The following ACER3 variants were observed in gnomAD, a reference collection of about 807,000 sequenced individuals.
The protein encoded by ACER3 is alkCDase 3.
A neutral mutation model predicts 48.9 loss-of-function variants in ACER3; 16 were observed. The ratio of observed to expected loss-of-function variants is 0.33; its 90% CI spans 0.22 to 0.50. The LOEUF (loss-of-function observed/expected upper bound fraction) is 0.50, where lower values mean the gene tolerates loss of function less well. Among genes scored for constraint, ACER3 ranks in the 20% least tolerant of loss-of-function variants. ACER3 has a pLI of 0.98. For missense variants in ACER3, 227 were observed against 326.0 expected (o/e 0.70, Z 2.34); for synonymous variants, 109 against 107.8 (o/e 1.01, Z -0.07).
At chr11:76,909,244 A>G (rs1047101636) in intron 1 of ACER3, among the ~76,000 whole-genome samples, 1 of 152,226 alleles carries the variant, frequency 6.6e-6, no homozygotes, top group Admixed American at 6.5e-5. Flanking sequence ...ACCAAAAGCA[A>G]TGGCAACAAA....
intron 1 of ACER3, among the ~76,000 whole-genome samples, chr11:76,918,174 A>G (rs753328510): frequency 6.6e-5 from 10 of 151,992 alleles, no homozygotes; most frequent in Non-Finnish European, 1.2e-4. Flanking sequence ...AGTGCCTTGC[A>G]TGTAGAAAAT....
chr11:76,874,913 T>G (rs146497410), intron 1 of ACER3, among the ~76,000 whole-genome samples: 2 of 152,278 alleles, frequency 1.3e-5, no homozygotes, highest in Admixed American at 6.5e-5. Context: ...CACATATCCT[T>G]AAGCTGATGC....
chr11:76,941,920 A>G (rs11237025), intron 2 of ACER3, among the ~76,000 whole-genome samples: 86,668 of 151,646 alleles, frequency 0.57, 27,936 homozygotes, highest in Non-Finnish European at 0.74. Flanking sequence ...CATTATCATT[A>G]TTTAACTATT....
Position 77,015,390 on chromosome 11 carries a change from A to G in ACER3, c.599+273A>G, listed in dbSNP as rs1949347762. ...CTATATAGTTAATCAAATGTTGACT[A>G]TTCCTTTGAAACATGCCTGATCTGT... On this transcript the variant is annotated intron_variant, in intron 8 of 10. Transcript: ENST00000532485. The G allele has an allele frequency of 1.5e-5, 4 of 259,626 alleles. 1 individual carries two copies. Among genetic ancestry groups the G allele is most frequent in the South Asian group, 1.5e-4 (2 of 13,176 alleles). The allele number at this position is 259,626 out of a possible 1,614,324, so 16.1% of individuals were successfully genotyped here. A position where few individuals can be genotyped will look rare whatever the true frequency, so the allele number is the denominator to read the frequency against.
At chr11:76,979,075 C>T (rs1280345973) in intron 4 of ACER3, among the ~76,000 whole-genome samples, 9 of 152,298 alleles carry the variant, frequency 5.9e-5, no homozygotes, top group East Asian at 3.9e-4. Flanking sequence ...CCTGCCAGGC[C>T]GAGTGGGCAG....
At chr11:76,983,452 A>T (rs1948627156) in intron 4 of ACER3, among the ~76,000 whole-genome samples, 1 of 151,918 alleles carries the variant, frequency 6.6e-6, no homozygotes, top group Non-Finnish European at 1.5e-5. Context: ...AGTAGCTGCG[A>T]CTACAAGTGC....
In ACER3 at chr11:76,892,430, T is replaced by C. The variant is rs147208149; in HGVS notation, c.103+31351T>C. Among the ~76,000 whole-genome samples the C allele has an allele frequency of 2.9e-3, 441 of 152,268 alleles. 2 individuals are homozygous for C. The highest frequency in any genetic ancestry group is 9.9e-3 in the African/African-American group (410 of 41,552). On this transcript the variant is annotated intron_variant, in intron 1 of 10. Transcript: ENST00000532485. ...AGGAAAGACCATGCAAATATTCCAGTTATATGTGTGTGGGGGTTTAACAAC... is the reference window on the plus strand; with the variant it reads ...AGGAAAGACCATGCAAATATTCCAGCTATATGTGTGTGGGGGTTTAACAAC...
chr11:76,879,964 A>G (rs1275073389), intron 1 of ACER3, among the ~76,000 whole-genome samples: 1 of 152,100 alleles, frequency 6.6e-6, no homozygotes, highest in Non-Finnish European at 1.5e-5. Context: ...TGTAGAATAT[A>G]TTGGCATAAA....
chr11:76,941,053 G>GCA (rs1947331726), intron 2 of ACER3, among the ~76,000 whole-genome samples: 9 of 144,586 alleles, frequency 6.2e-5, no homozygotes, highest in Non-Finnish European at 1.5e-5. Context: ...ACACACACAC[G>GCA]CACACAGAAA....
chr11:76,937,822 G>C (rs1947232165), intron 2 of ACER3, among the ~76,000 whole-genome samples: 1 of 152,088 alleles, frequency 6.6e-6, no homozygotes, highest in Admixed American at 6.5e-5. Flanking sequence ...AATGTAACTA[G>C]ATTATCCAGA....
At chr11:76,985,329 C>A (rs763917574) in intron 4 of ACER3, among the ~76,000 whole-genome samples, 12 of 152,138 alleles carry the variant, frequency 7.9e-5, no homozygotes, top group Non-Finnish European at 1.5e-4. Flanking sequence ...TCTCGAAATC[C>A]TGCACTCAAG....
At chr11:76,948,216 TGTGTG>T (rs1323258490) in intron 2 of ACER3, among the ~76,000 whole-genome samples, 6 of 43,360 alleles carry the variant, frequency 1.4e-4, no homozygotes, top group African/African-American at 5.4e-4. Flanking sequence ...TCACTCTGTG[TGTGTG>T]TGTGTGTGTG....
chr11:76,866,503 A>T (rs982698377), intron 1 of ACER3, among the ~76,000 whole-genome samples: 1 of 152,264 alleles, frequency 6.6e-6, no homozygotes, highest in Non-Finnish European at 1.5e-5. Context: ...TGGACTTAAG[A>T]TGTAGCAGTG....
rs1183353680 is a variant in ACER3 at position 77,016,870 on chromosome 11, C to G, written c.704+91C>G. On this transcript the variant is annotated intron_variant, in intron 9 of 10. Transcript: ENST00000532485. ...AAATAGGATGTAAATATTTTTAAAA[C>G]ACTAGAAAATTCACAAACATGAAAA... 6 of 609,526 alleles carry G rather than the reference C, an allele frequency of 9.8e-6. No individual in the cohort carries two copies. In the East Asian group the frequency reaches 1.9e-4, roughly 19 times the overall value. 37.8% of individuals were successfully genotyped at this position (609,526 alleles called of 1,614,324 possible).
chr11:76,968,724 T>G (rs1023045418), intron 3 of ACER3, among the ~76,000 whole-genome samples: 13 of 152,236 alleles, frequency 8.5e-5, no homozygotes, highest in East Asian at 7.7e-4. Flanking sequence ...TGGTGCTGGG[T>G]AAACTGGCTA....
chr11:77,006,583 T>C (rs1949154971), intron 7 of ACER3, among the ~76,000 whole-genome samples: 1 of 152,160 alleles, frequency 6.6e-6, no homozygotes, highest in Non-Finnish European at 1.5e-5. Context: ...ATTTTGTTCC[T>C]AAAGGATATA....
At chr11:77,003,282 C>T (rs10751270) in intron 7 of ACER3, among the ~76,000 whole-genome samples, 108,162 of 152,032 alleles carry the variant, frequency 0.71, 38,872 homozygotes, top group Non-Finnish European at 0.77. Flanking sequence ...TTTGGGTGAA[C>T]TGTGGTAGTT....
chr11:76,908,191 G>A (rs1039760510), intron 1 of ACER3, among the ~76,000 whole-genome samples: 5 of 151,240 alleles, frequency 3.3e-5, no homozygotes, highest in South Asian at 2.1e-4. Context: ...AGCTGAGATC[G>A]TGCCACTGCA....
chr11:76,982,218 CTTT>C (rs142556459), intron 4 of ACER3, among the ~76,000 whole-genome samples: 255 of 135,182 alleles, frequency 1.9e-3, no homozygotes, highest in Non-Finnish European at 3.2e-3. Flanking sequence ...AACCTTTTTC[CTTT>C]TTTTTTTTTT....
Sources: gnomAD v4.1 joint callset for allele counts (sites outside exome capture counted in the v4.1 genomes callset) on GRCh38, gnomAD v4.1.1 for gene constraint, MANE v1.5 for transcripts, NCBI Gene and HGNC (gene_info 2026-07-23, HGNC 2026-07-21) for gene names.